The following GALNT2 variants were observed in gnomAD, a reference collection of about 807,000 sequenced individuals.
GALNT2 encodes the protein UDP-GalNAc:polypeptide N-acetylgalactosaminyltransferase 2.
A neutral mutation model predicts 81.4 loss-of-function variants in GALNT2; 31 were observed. That is an observed-to-expected ratio of 0.38 (90% CI 0.29 to 0.51). GALNT2 has a LOEUF of 0.51. GALNT2 is among the 20% of genes least tolerant of loss of function. The pLI, the probability that GALNT2 is intolerant of heterozygous loss-of-function variation, is 0.87. For missense variants in GALNT2, 629 were observed against 765.7 expected (o/e 0.82, Z 2.11); for synonymous variants, 303 against 287.4 (o/e 1.05, Z -0.55).
intron 1 of GALNT2, among the ~76,000 whole-genome samples, chr1:230,083,231 C>T (rs574550239): frequency 7.3e-4 from 87 of 118,442 alleles, no homozygotes; most frequent in African/African-American, 2.3e-3. Flanking sequence ...GATGATGGAG[C>T]GGGGAGCTGG....
chr1:230,247,363 G>A (rs765344496), intron 8 of GALNT2, among the ~76,000 whole-genome samples: 3 of 152,238 alleles, frequency 2.0e-5, no homozygotes, highest in Non-Finnish European at 2.9e-5. Context: ...TCATGGGCAG[G>A]CCATTTTGCC....
chr1:230,266,850 T>C (rs1666049600), intron 14 of GALNT2, among the ~76,000 whole-genome samples: 1 of 152,250 alleles, frequency 6.6e-6, no homozygotes, highest in African/African-American at 2.4e-5. Context: ...TTGGTAGAGT[T>C]GATCCTGGAT....
At chr1:230,081,658 A>G (rs1338955649) in intron 1 of GALNT2, among the ~76,000 whole-genome samples, 26 of 152,230 alleles carry the variant, frequency 1.7e-4, no homozygotes, top group Admixed American at 1.7e-3. Flanking sequence ...AGTTCTGTCA[A>G]TTAGAAAAGT....
At chr1:230,067,043 C>G (rs968721856), upstream of GALNT2, among the ~76,000 whole-genome samples, 9 of 148,470 alleles carry the variant, frequency 6.1e-5, no homozygotes, top group East Asian at 3.9e-4. Context: ...TCCCTGACCC[C>G]CCTCGCCGCC....
intron 1 of GALNT2, 54 bp from the exon 2 acceptor site, chr1:230,178,164 A>G (rs867684082): frequency 8.6e-6 from 12 of 1,396,592 alleles, no homozygotes; most frequent in South Asian, 6.0e-5. Context: ...GAACTGATGA[A>G]TGAAGGTGTG....
intron 10 of GALNT2, among the ~76,000 whole-genome samples, chr1:230,254,872 G>A (rs183389282): frequency 2.2e-4 from 33 of 152,238 alleles, no homozygotes; most frequent in Admixed American, 2.1e-3. Context: ...ATGATACTGG[G>A]GTATACATGA....
At chr1:230,100,048 C>T (rs1558083100) in intron 1 of GALNT2, among the ~76,000 whole-genome samples, 1 of 152,146 alleles carries the variant, frequency 6.6e-6, no homozygotes, top group Non-Finnish European at 1.5e-5. Flanking sequence ...TTCCCAGCTT[C>T]TCACACAGTC....
At chr1:230,102,536 CG>C (rs1660432015) in intron 1 of GALNT2, among the ~76,000 whole-genome samples, 1 of 151,992 alleles carries the variant, frequency 6.6e-6, no homozygotes, top group Non-Finnish European at 1.5e-5. Context: ...TGTAGGGGAA[CG>C]TTTATACCTT....
Position 230,279,410 on chromosome 1 carries a change from C to G in GALNT2, c.1668C>G (p.Gly556=). 1 of 1,614,132 alleles carries G rather than the reference C, an allele frequency of 6.2e-7. No homozygotes were observed. Among genetic ancestry groups the G allele is most frequent in the African/African-American group, 1.3e-5 (1 of 75,036 alleles). ...KSGGLSVEVC[G]PALSQQWKFT... is the part of the protein sequence containing the mutation. ...GGGGCCTAAGCGTGGAGGTGTGTGG[C>G]CCGGCCCTTTCGCAGCAGTGGAAGT... The change falls in exon 16 of 16, where the codon GGC becomes GGG. Residue 556 remains glycine, a synonymous_variant. Coordinates refer to ENST00000366672, the MANE Select transcript of GALNT2 (RefSeq NM_004481.5). This position sits in a 1 kb window ranked among gnomAD's most constrained non-coding sequence, Gnocchi z 4.6.
At chr1:230,249,407 C>G (rs1558160667) in intron 9 of GALNT2, 136 bp downstream of exon 9, 3 of 651,408 alleles carry the variant, frequency 4.6e-6, no homozygotes, top group Non-Finnish European at 5.4e-6. Context: ...CGTCTCAGCT[C>G]AAAGATGAGC....
chr1:230,255,937 A>G (rs895591733), intron 11 of GALNT2, among the ~76,000 whole-genome samples: 1 of 152,216 alleles, frequency 6.6e-6, no homozygotes, highest in Non-Finnish European at 1.5e-5. Flanking sequence ...AAATTTATCT[A>G]CTCATAGTTC....
chr1:230,249,031 TTC>T (rs1665460509), intron 8 of GALNT2, among the ~76,000 whole-genome samples, 151 bp from the exon 9 acceptor site: 1 of 152,296 alleles, frequency 6.6e-6, no homozygotes, highest in East Asian at 1.9e-4. Context: ...CCCAGTCCCC[TTC>T]TCTCTCCTCC....
chr1:230,236,272 A>G, intron 4 of GALNT2, 81 bp from the exon 5 acceptor site: 1 of 1,455,954 alleles, frequency 6.9e-7, no homozygotes, highest in Non-Finnish European at 9.6e-7. Flanking sequence ...GTTAGGACCA[A>G]CATATGAGAA....
chr1:230,220,680 C>T (rs530514043), intron 3 of GALNT2, among the ~76,000 whole-genome samples: 3 of 152,216 alleles, frequency 2.0e-5, no homozygotes, highest in Admixed American at 6.5e-5. Flanking sequence ...AGAGGCATCC[C>T]CTGGAGGCCA....
intron 1 of GALNT2, among the ~76,000 whole-genome samples, chr1:230,146,093 G>T (rs1401486215): frequency 6.6e-6 from 1 of 152,112 alleles, no homozygotes; most frequent in East Asian, 1.9e-4. Context: ...TTTTTGGCTT[G>T]GCTAAAAATA....
intron 2 of GALNT2, among the ~76,000 whole-genome samples, chr1:230,183,919 A>G (rs1198165791): frequency 6.6e-6 from 1 of 151,344 alleles, no homozygotes; most frequent in Non-Finnish European, 1.5e-5. Flanking sequence ...CGGAGGCTGC[A>G]GTGAGCCGAG....
chr1:230,242,821 G>C (rs1053936591), intron 6 of GALNT2, among the ~76,000 whole-genome samples: 29 of 152,212 alleles, frequency 1.9e-4, no homozygotes, highest in African/African-American at 6.8e-4. Flanking sequence ...GCAGACAGCA[G>C]GGCTTTGCAA....
intron 1 of GALNT2, among the ~76,000 whole-genome samples, chr1:230,112,441 A>G (rs1184377633): frequency 6.6e-6 from 1 of 151,746 alleles, no homozygotes; most frequent in Admixed American, 6.6e-5. Flanking sequence ...TCCTGTTTTC[A>G]TGGAGTCGCA....
At chr1:230,077,284 C>T (rs1307354643) in intron 1 of GALNT2, among the ~76,000 whole-genome samples, 1 of 152,220 alleles carries the variant, frequency 6.6e-6, no homozygotes, top group Non-Finnish European at 1.5e-5. Flanking sequence ...TCTCCTTCCC[C>T]TCCTGCCCTT....
Sources: allele counts gnomAD v4.1 joint callset (sites outside exome capture counted in the v4.1 genomes callset), GRCh38; gene constraint gnomAD v4.1.1; non-coding constraint Gnocchi (gnomAD v3.1); transcripts MANE v1.5; gene names NCBI Gene and HGNC (gene_info 2026-07-23, HGNC 2026-07-21).